ERICH3: variants seen among roughly 807,000 people sequenced by gnomAD.
The protein encoded by ERICH3 is glutamate-rich protein 3.
A neutral mutation model predicts 131.1 loss-of-function variants in ERICH3; 126 were observed. The ratio of observed to expected loss-of-function variants is 0.96; its 90% CI spans 0.83 to 1.11. The LOEUF is 1.11. ERICH3 is among the 50% of genes most tolerant of loss of function. The probability of loss-of-function intolerance (pLI) is 0.00; values close to 1 mark genes in which losing one functional copy is unlikely to be tolerated. For synonymous variants in ERICH3, 695 were observed against 644.6 expected, an observed-to-expected ratio of 1.08 and a Z score of -1.18; for missense variants, 2,050 against 1,810.7, an observed-to-expected ratio of 1.13 and a Z score of -2.40.
Position 74,599,703 on chromosome 1 carries a change from T to A in ERICH3, c.1718A>T (p.Asp573Val). ...DGCSESELEE[D>V]KQDMKTASST... is the part of the protein sequence containing the mutation. The stretch of plus-strand genomic sequence containing the variant: ...TAAGCTGAACAACTCGCCTTGTTTA[T>A]CCTCTTCCAGTTCACTCTCAGAGCA... The change falls in exon 11 of 15, where the codon GAT (aspartate) becomes GTT (valine). Residue 573 changes from aspartate (D) to valine (V), a missense_variant. Physicochemically the swap from Asp to Val is radical, Grantham distance 152. Transcript: ENST00000326665. The A allele has an allele frequency of 1.2e-6, 2 of 1,607,844 alleles. No individual in the cohort carries two copies. Among genetic ancestry groups the A allele is most frequent in the Non-Finnish European group, 1.7e-6 (2 of 1,177,274 alleles).
At chr1:74,574,668 TAAA>T (rs1647019450) in intron 13 of ERICH3, among the ~76,000 whole-genome samples, 1 of 152,244 alleles carries the variant, frequency 6.6e-6, no homozygotes, top group African/African-American at 2.4e-5. Flanking sequence ...AATTTCCTGG[TAAA>T]CCTGGGTGCA....
chr1:74,569,817 T>C lies in ERICH3; in HGVS notation c.*641A>G, dbSNP rs1323108159. 6.6e-6 allele frequency: 1 copy of C among 152,188 alleles called. No homozygotes were observed. The highest frequency in any genetic ancestry group is 1.5e-5 in the Non-Finnish European group (1 of 68,008). The allele number at this position is 152,188 out of a possible 1,614,324, so 9.4% of individuals were successfully genotyped here. On this transcript the variant is annotated 3_prime_UTR_variant, in exon 15 of 15. Coordinates refer to ENST00000326665, the MANE Select transcript of ERICH3 (RefSeq NM_001002912.5). The stretch of plus-strand genomic sequence containing the variant: ...CAAAAAAACAAAGAGCATTTTGAAA[T>C]AAGATTTCCACTTTGTTATTCTGGC...
intron 9 of ERICH3, among the ~76,000 whole-genome samples, chr1:74,610,269 T>C (rs12096054): frequency 0.025 from 3,758 of 151,654 alleles, 180 homozygotes; most frequent in African/African-American, 0.087. Context: ...AAACACCCAA[T>C]GCCTCTTCTC....
At chr1:74,641,768 A>G (rs932864035) in intron 4 of ERICH3, among the ~76,000 whole-genome samples, 2 of 152,170 alleles carry the variant, frequency 1.3e-5, no homozygotes, top group Non-Finnish European at 2.9e-5. Context: ...TACCAGAAAT[A>G]GTACTTTTCT....
rs766458531 is a variant in ERICH3, at chr1:74,571,441, C to T, written c.4269G>A (p.Val1423=). The part of the protein sequence containing the change: ...EEVPAAEEMT[V]TYTTEAGVGT... ...CCACCCCAGCCTCTGTTGTATATGTCACTGTCATCTCCTCTGCTGCTGGCA... is the reference window on the plus strand; with the variant it reads ...CCACCCCAGCCTCTGTTGTATATGTTACTGTCATCTCCTCTGCTGCTGGCA... Residue 1423 remains valine, a synonymous_variant, in exon 14 of 15, where the codon GTG becomes GTA. Coordinates refer to ENST00000326665, the MANE Select transcript of ERICH3 (RefSeq NM_001002912.5). The T allele has an allele frequency of 3.9e-5, 63 of 1,613,888 alleles. No individual in the cohort carries two copies. The highest frequency in any genetic ancestry group is 5.3e-5 in the Non-Finnish European group (62 of 1,179,990).
chr1:74,585,606 A>G (rs1647290860), intron 12 of ERICH3, among the ~76,000 whole-genome samples: 1 of 152,158 alleles, frequency 6.6e-6, no homozygotes. Context: ...TTTATTTGTA[A>G]CATAGATTAT....
chr1:74,663,443 A>G (rs996905152), intron 1 of ERICH3, among the ~76,000 whole-genome samples: 4 of 152,106 alleles, frequency 2.6e-5, no homozygotes, highest in Non-Finnish European at 5.9e-5. Context: ...GGCTACTAGA[A>G]GCCATTCCCA....
At chr1:74,611,969 T>A (rs527808156) in intron 9 of ERICH3, among the ~76,000 whole-genome samples, 3 of 152,332 alleles carry the variant, frequency 2.0e-5, no homozygotes, top group South Asian at 4.1e-4. Context: ...AATACTTTAG[T>A]TGATTCACTC....
intron 1 of ERICH3, among the ~76,000 whole-genome samples, chr1:74,664,004 A>G (rs1427505133): frequency 6.6e-6 from 1 of 152,098 alleles, no homozygotes; most frequent in Non-Finnish European, 1.5e-5. Flanking sequence ...CACCCTATGG[A>G]GTTTGCAATT....
intron 12 of ERICH3, among the ~76,000 whole-genome samples, chr1:74,584,923 A>G (rs908156148): frequency 1.7e-4 from 26 of 152,156 alleles, no homozygotes; most frequent in Admixed American, 3.9e-4. Context: ...TTCTTTCATC[A>G]GGACCATTTT....
chr1:74,570,930 G>A (rs955926873), intron 14 of ERICH3, among the ~76,000 whole-genome samples, 169 bp downstream of exon 14: 9 of 152,018 alleles, frequency 5.9e-5, no homozygotes, highest in African/African-American at 1.7e-4. Flanking sequence ...CCCCTCCTCC[G>A]TCTTTCCCAG....
intron 1 of ERICH3, among the ~76,000 whole-genome samples, chr1:74,660,398 A>T (rs1646629234): frequency 6.6e-6 from 1 of 151,754 alleles, no homozygotes; most frequent in Non-Finnish European, 1.5e-5. Flanking sequence ...ATTGTTGATA[A>T]AGGCAGTTAC....
At chr1:74,596,528 G>C (rs150436282) in intron 11 of ERICH3, among the ~76,000 whole-genome samples, 65 of 152,002 alleles carry the variant, frequency 4.3e-4, no homozygotes, top group African/African-American at 1.6e-3. Context: ...ATATTACACT[G>C]TTATTCGCTA....
At chr1:74,671,494 G>T (rs1293031869) in intron 1 of ERICH3, among the ~76,000 whole-genome samples, 1 of 152,156 alleles carries the variant, frequency 6.6e-6, no homozygotes, top group Non-Finnish European at 1.5e-5. Flanking sequence ...CACCCTGGTG[G>T]CCCAGCTGTA....
chr1:74,629,519 T>C (rs1649522959), intron 7 of ERICH3, among the ~76,000 whole-genome samples: 1 of 152,144 alleles, frequency 6.6e-6, no homozygotes, highest in African/African-American at 2.4e-5. Context: ...GGAACCTGGC[T>C]CAGATGCTTA....
chr1:74,571,353 C>T lies in ERICH3; in HGVS notation c.4357G>A (p.Glu1453Lys), dbSNP rs1443716041. Residue 1453 changes from glutamate (E) to lysine (K), a missense_variant, in exon 14 of 15, where the codon GAG becomes AAG. Transcript: ENST00000326665. The part of the protein sequence containing the change: ...GLGQEQEEGS[E>K]GQEAATGSGD... Reference sequence around the variant, plus strand: ...CTCCCAGTGGCTGCCTCCTGGCCCTCTGACCCTTCCTCTTGCTCCTGTCCT... The same window carrying T: ...CTCCCAGTGGCTGCCTCCTGGCCCTTTGACCCTTCCTCTTGCTCCTGTCCT... 7 of 1,613,948 alleles carry T rather than the reference C, an allele frequency of 4.3e-6. No individual in the cohort carries two copies. The highest frequency in any genetic ancestry group is 5.9e-6 in the Non-Finnish European group (7 of 1,180,016).
chr1:74,666,149 G>C (rs1646689997), intron 1 of ERICH3, among the ~76,000 whole-genome samples: 1 of 152,086 alleles, frequency 6.6e-6, no homozygotes, highest in Admixed American at 6.6e-5. Context: ...CTCTAAGAAA[G>C]TCCCCAGAGC....
At chr1:74,590,556 T>C (rs1570832242) in intron 11 of ERICH3, among the ~76,000 whole-genome samples, 1 of 152,288 alleles carries the variant, frequency 6.6e-6, no homozygotes, top group Admixed American at 6.5e-5. Flanking sequence ...ACAATAGGGT[T>C]TCTGCTCCTA....
intron 1 of ERICH3, among the ~76,000 whole-genome samples, chr1:74,652,808 C>T (rs1350274361): frequency 6.6e-6 from 1 of 152,142 alleles, no homozygotes; most frequent in Non-Finnish European, 1.5e-5. Context: ...AAGTCACTGG[C>T]CAGACCAGTC....
Sources: allele counts gnomAD v4.1 joint callset (sites outside exome capture counted in the v4.1 genomes callset), GRCh38; gene constraint gnomAD v4.1.1; transcripts MANE v1.5; gene names NCBI Gene and HGNC (gene_info 2026-07-23, HGNC 2026-07-21).